PRKAG2: variants seen among roughly 807,000 people sequenced by gnomAD.
PRKAG2 encodes the protein 5'-AMP-activated protein kinase subunit gamma-2.
In PRKAG2, 26 loss-of-function variants were observed where a neutral mutation model predicts 69.6. The observed-to-expected ratio is 0.37, with a 90% CI of 0.27 to 0.52. PRKAG2 has a LOEUF of 0.52. Among genes scored for constraint, PRKAG2 ranks in the 20% least tolerant of loss-of-function variants. The probability of loss-of-function intolerance (pLI) is 0.90; values close to 1 mark genes in which losing one functional copy is unlikely to be tolerated. For synonymous variants in PRKAG2, 293 were observed against 285.0 expected (o/e 1.03, Z -0.28); for missense variants, 557 against 740.0 (o/e 0.75, Z 2.87).
chr7:151,602,592 T>G (rs559988822), intron 5 of PRKAG2, among the ~76,000 whole-genome samples: 1 of 152,186 alleles, frequency 6.6e-6, no homozygotes, highest in African/African-American at 2.4e-5. Context: ...ATGTTCCAGA[T>G]TTACAAAAAA....
chr7:151,871,917 C>G (rs11767806), intron 1 of PRKAG2, among the ~76,000 whole-genome samples: 59,484 of 152,034 alleles, frequency 0.39, 12,375 homozygotes, highest in East Asian at 0.55. Context: ...CACTAGGGGT[C>G]CGAGGAGGCC....
chr7:151,611,002 A>G (rs1818699399), intron 5 of PRKAG2, among the ~76,000 whole-genome samples: 2 of 152,020 alleles, frequency 1.3e-5, no homozygotes, highest in African/African-American at 4.8e-5. Flanking sequence ...TGATCCGTCC[A>G]CCTTGGCCTC....
Position 151,850,323 on chromosome 7 carries a change from C to T in PRKAG2, c.114+26184G>A, listed in dbSNP as rs944150621. 5.9e-5 allele frequency among the ~76,000 whole-genome samples: 9 copies of T among 152,258 alleles called. No homozygotes were observed. The highest frequency in any genetic ancestry group is 1.2e-4 in the Non-Finnish European group (8 of 68,046). On this transcript the variant is annotated intron_variant, in intron 1 of 15. Transcript: ENST00000287878. This position sits in a 1 kb window ranked among gnomAD's most constrained non-coding sequence, Gnocchi z 4.1. The stretch of plus-strand genomic sequence containing the variant: ...GGAAAGACGCCTGTCCAGAAGGTTT[C>T]TCCTGGAAGGAGGGATCAAATCTGT...
intron 1 of PRKAG2, among the ~76,000 whole-genome samples, chr7:151,833,229 G>A (rs1159340172): frequency 6.6e-6 from 1 of 151,820 alleles, no homozygotes; most frequent in Non-Finnish European, 1.5e-5. Flanking sequence ...TCTGTGGGGT[G>A]GACCTGAGAA....
intron 3 of PRKAG2, among the ~76,000 whole-genome samples, chr7:151,714,015 C>T (rs940689421): frequency 1.3e-5 from 2 of 152,114 alleles, no homozygotes; most frequent in African/African-American, 2.4e-5. Flanking sequence ...CGGCACATAC[C>T]CCCAAAGGAT....
intron 4 of PRKAG2, among the ~76,000 whole-genome samples, chr7:151,665,811 A>G (rs1282717300): frequency 6.6e-6 from 1 of 152,206 alleles, no homozygotes; most frequent in Non-Finnish European, 1.5e-5. Context: ...TGGTGCATAT[A>G]AAGTCTTTAA....
chr7:151,610,041 A>C (rs1280122247), intron 5 of PRKAG2, among the ~76,000 whole-genome samples: 2 of 152,190 alleles, frequency 1.3e-5, no homozygotes, highest in Non-Finnish European at 2.9e-5. Flanking sequence ...ACATTTTAAT[A>C]TGTCAACATA....
chr7:151,735,755 AT>A, intron 3 of PRKAG2: 2 of 1,129,850 alleles, frequency 1.8e-6, no homozygotes, highest in Non-Finnish European at 2.5e-6. Flanking sequence ...CTTCCCACGT[AT>A]TCCTCTAACC....
At chr7:151,842,768 T>C (rs1394931282) in intron 1 of PRKAG2, among the ~76,000 whole-genome samples, 1 of 151,554 alleles carries the variant, frequency 6.6e-6, no homozygotes. Flanking sequence ...GTAGTGATGG[T>C]AGGTAGTGAT....
intron 6 of PRKAG2, 51 bp downstream of exon 6, chr7:151,595,294 A>G (rs773670162): frequency 8.0e-7 from 1 of 1,256,216 alleles, no homozygotes; most frequent in Non-Finnish European, 1.1e-6. Flanking sequence ...TGTATAAAGT[A>G]GTAGCCATCC....
At chr7:151,724,008 A>G (rs1797533218) in intron 3 of PRKAG2, among the ~76,000 whole-genome samples, 1 of 152,134 alleles carries the variant, frequency 6.6e-6, no homozygotes, top group South Asian at 2.1e-4. Context: ...CTTGTCATAA[A>G]TCCTGCCCTT....
At chr7:151,688,536 C>G (rs1835124204) in intron 3 of PRKAG2, among the ~76,000 whole-genome samples, 1 of 152,178 alleles carries the variant, frequency 6.6e-6, no homozygotes, top group Admixed American at 6.5e-5. Flanking sequence ...AGGCCTCCAT[C>G]ATCAGAGCTT....
rs1563120287 is a variant in PRKAG2, at chr7:151,557,233, C to T, written c.1679-1G>A. The T allele has an allele frequency of 6.2e-7, 1 of 1,614,112 alleles. No individual in the cohort carries two copies. Among genetic ancestry groups the T allele is most frequent in the Non-Finnish European group, 8.5e-7 (1 of 1,179,994 alleles). On this transcript the variant is annotated splice_acceptor_variant, in intron 15 of 15. Coordinates refer to ENST00000287878, the MANE Select transcript of PRKAG2 (RefSeq NM_016203.4). LOFTEE classifies it high-confidence loss of function. The stretch of plus-strand genomic sequence containing the variant: ...GTTTCTGTCTCCTTTTGTTTGGCAC[C>T]TGTCAGTGGATGGAAGATGAAAGTT...
At chr7:151,802,946 T>C (rs1048951562) in intron 1 of PRKAG2, among the ~76,000 whole-genome samples, 1 of 61,134 alleles carries the variant, frequency 1.6e-5, no homozygotes, top group Non-Finnish European at 2.9e-5. Flanking sequence ...ATATAAGCAA[T>C]ATGATATATA....
intron 5 of PRKAG2, among the ~76,000 whole-genome samples, chr7:151,622,863 C>T (rs776908795): frequency 7.2e-5 from 11 of 152,280 alleles, no homozygotes; most frequent in African/African-American, 2.2e-4. Flanking sequence ...TAGTCATCAT[C>T]GCAGTTACTG....
At chr7:151,721,927 C>T (rs773799065) in intron 3 of PRKAG2, among the ~76,000 whole-genome samples, 7 of 152,132 alleles carry the variant, frequency 4.6e-5, no homozygotes, top group Admixed American at 6.5e-5. Context: ...GCTACTCCCT[C>T]GAGGCCCAGT....
At chr7:151,744,612 CA>C (rs1412020915) in intron 3 of PRKAG2, among the ~76,000 whole-genome samples, 1 of 152,212 alleles carries the variant, frequency 6.6e-6, no homozygotes, top group Non-Finnish European at 1.5e-5. Flanking sequence ...AGCCACTTTG[CA>C]TGTTATGTGA....
intron 1 of PRKAG2, among the ~76,000 whole-genome samples, chr7:151,860,011 T>A (rs1192551929): frequency 6.6e-6 from 1 of 152,136 alleles, no homozygotes; most frequent in Non-Finnish European, 1.5e-5. Context: ...GGTGGGACTG[T>A]GGGCTGGGCT....
At chr7:151,830,243 C>G (rs2078993883) in intron 1 of PRKAG2, among the ~76,000 whole-genome samples, 1 of 151,778 alleles carries the variant, frequency 6.6e-6, no homozygotes, top group Admixed American at 6.6e-5. Flanking sequence ...CGAGAGGAAC[C>G]TATCTGTCCG....
Sources: allele counts gnomAD v4.1 joint callset (sites outside exome capture counted in the v4.1 genomes callset), GRCh38; gene constraint gnomAD v4.1.1; non-coding constraint Gnocchi (gnomAD v3.1); transcripts MANE v1.5; gene names NCBI Gene and HGNC (gene_info 2026-07-23, HGNC 2026-07-21).